The following LIPC variants were observed in gnomAD, a reference collection of about 807,000 sequenced individuals.
LIPC encodes the protein hepatic triacylglycerol lipase.
Under a neutral mutation model 50.7 loss-of-function variants are expected in LIPC, and 44 were observed. The ratio of observed to expected loss-of-function variants is 0.87; its 90% CI spans 0.68 to 1.11. LIPC has a LOEUF of 1.11. Ranked by LOEUF, LIPC falls within the 50% of genes most tolerant of loss-of-function variation. The pLI, the probability that LIPC is intolerant of heterozygous loss-of-function variation, is 0.00. For missense variants in LIPC, 697 were observed against 648.2 expected (o/e 1.08, Z -0.82); for synonymous variants, 271 against 256.4 (o/e 1.06, Z -0.54).
chr15:58,467,204 A>G (rs1894599198), intron 1 of LIPC, among the ~76,000 whole-genome samples: 1 of 152,186 alleles, frequency 6.6e-6, no homozygotes, highest in African/African-American at 2.4e-5. Context: ...GGTGGTTAGA[A>G]CTAAAAGCTG....
chr15:58,538,437 C>G lies in LIPC; in HGVS notation c.193C>G (p.Arg65Gly). 6.2e-7 allele frequency: 1 copy of G among 1,614,184 alleles called. No individual in the cohort carries two copies. Residue 65 changes from arginine to glycine, a missense_variant, in exon 2 of 9, where the codon CGA becomes GGA. Transcript: ENST00000299022. Reference protein sequence around the residue: ...FGETNQGCQIRINHPDTLQEC... With the variant: ...FGETNQGCQIGINHPDTLQEC... ...AGAAACCAATCAGGGCTGTCAGATTCGAATCAATCATCCGGACACGTTACA... is the reference window on the plus strand; with the variant it reads ...AGAAACCAATCAGGGCTGTCAGATTGGAATCAATCATCCGGACACGTTACA...
chr15:58,555,291 C>T (rs1346186800), intron 6 of LIPC, among the ~76,000 whole-genome samples: 1 of 152,052 alleles, frequency 6.6e-6, no homozygotes, highest in Admixed American at 6.5e-5. Context: ...AGGGGCCAGA[C>T]GTTTAGGGGA....
intron 1 of LIPC, among the ~76,000 whole-genome samples, chr15:58,503,271 A>G (rs1892044932): frequency 6.6e-6 from 1 of 152,082 alleles, no homozygotes; most frequent in South Asian, 2.1e-4. Flanking sequence ...GGTGTAAGAG[A>G]ACTTGGTGGG....
chr15:58,561,098 A>T (rs1336831020), intron 7 of LIPC, 117 bp downstream of exon 7: 1 of 749,516 alleles, frequency 1.3e-6, no homozygotes, highest in African/African-American at 1.7e-5. Flanking sequence ...TTCCAGACGC[A>T]AACCAAAAAC....
chr15:58,451,855 A>G (rs1893910905), intron 1 of LIPC, among the ~76,000 whole-genome samples: 1 of 152,182 alleles, frequency 6.6e-6, no homozygotes, highest in Non-Finnish European at 1.5e-5. Context: ...GCTCCCCGCT[A>G]GAAGGTGGGC....
At chr15:58,464,246 G>C (rs114399313) in intron 1 of LIPC, among the ~76,000 whole-genome samples, 1,740 of 152,242 alleles carry the variant, frequency 0.011, 38 homozygotes, top group African/African-American at 0.04. Context: ...GGTACTCTCA[G>C]AGCCTGGTTT....
chr15:58,479,253 T>G (rs1261601559), intron 1 of LIPC, among the ~76,000 whole-genome samples: 1 of 152,220 alleles, frequency 6.6e-6, no homozygotes, highest in African/African-American at 2.4e-5. Context: ...AAATAATCAA[T>G]GCAATAGCAC....
chr15:58,440,537 G>A (rs1171085809), intron 1 of LIPC, among the ~76,000 whole-genome samples: 1 of 152,182 alleles, frequency 6.6e-6, no homozygotes, highest in African/African-American at 2.4e-5. Context: ...TATCCCTGAG[G>A]GTACAAAAAT....
At chr15:58,433,404 C>G (rs967278812) in intron 1 of LIPC, among the ~76,000 whole-genome samples, 51 of 152,304 alleles carry the variant, frequency 3.3e-4, no homozygotes, top group African/African-American at 1.2e-3. Flanking sequence ...CCCCTTGAGC[C>G]TTAACATATA....
At chr15:58,485,002 G>A (rs1891319241) in intron 1 of LIPC, among the ~76,000 whole-genome samples, 1 of 152,184 alleles carries the variant, frequency 6.6e-6, no homozygotes, top group Admixed American at 6.5e-5. Context: ...AGCTCAAGAA[G>A]AGGCTAAAAC....
At chr15:58,447,403 T>C (rs988319822) in intron 1 of LIPC, among the ~76,000 whole-genome samples, 3 of 152,138 alleles carry the variant, frequency 2.0e-5, no homozygotes, top group African/African-American at 7.2e-5. Context: ...AAGTCTTCTC[T>C]GGAAAACACA....
intron 1 of LIPC, among the ~76,000 whole-genome samples, chr15:58,536,417 G>C (rs113733171): frequency 2.0e-5 from 3 of 152,190 alleles, no homozygotes; most frequent in African/African-American, 4.8e-5. Context: ...TTGAGCAGCT[G>C]TGTGCAGGAG....
rs917225755 is a variant in LIPC, at chr15:58,548,359, G to A, written c.838G>A (p.Glu280Lys). The change falls in exon 6 of 9, where the codon GAG becomes AAG. Residue 280 changes from glutamate (E) to lysine (K), a missense_variant. Transcript: ENST00000299022. ...CACCCAGACCATAAAATGCTCCCAC[G>A]AGCGATCGGTGCACCTTTTCATCGA... ...AITQTIKCSH[E>K]RSVHLFIDSL... is the part of the protein sequence containing the mutation. The A allele has an allele frequency of 1.6e-5, 26 of 1,614,064 alleles. No homozygotes were observed. The highest frequency in any genetic ancestry group is 4.5e-5 in the East Asian group (2 of 44,876).
At chr15:58,467,934 C>T (rs951618498) in intron 1 of LIPC, among the ~76,000 whole-genome samples, 2 of 152,194 alleles carry the variant, frequency 1.3e-5, no homozygotes, top group Non-Finnish European at 2.9e-5. Context: ...GGAACTGCTT[C>T]TAACACAAGG....
chr15:58,450,583 A>G (rs538678299), intron 1 of LIPC, among the ~76,000 whole-genome samples: 2 of 152,338 alleles, frequency 1.3e-5, no homozygotes, highest in South Asian at 4.1e-4. Flanking sequence ...GTTAAAGGTC[A>G]ATTTCCATAA....
intron 1 of LIPC, among the ~76,000 whole-genome samples, chr15:58,461,468 G>A (rs574980587): frequency 1.3e-3 from 201 of 152,234 alleles, no homozygotes; most frequent in Non-Finnish European, 2.5e-3. Context: ...GCAGTGGCTC[G>A]ATCTTGGCTC....
chr15:58,564,114 A>C, intron 8 of LIPC: 1 of 260,772 alleles, frequency 3.8e-6, no homozygotes, highest in Non-Finnish European at 7.6e-6. Flanking sequence ...GCCCAAAGAA[A>C]ATCTTTTAAC....
chr15:58,518,511 A>C (rs149788452), intron 1 of LIPC, among the ~76,000 whole-genome samples: 294 of 152,326 alleles, frequency 1.9e-3, no homozygotes, highest in African/African-American at 6.8e-3. Flanking sequence ...CTCTGAACTT[A>C]ACCTTCTGTG....
intron 7 of LIPC, among the ~76,000 whole-genome samples, chr15:58,562,228 C>T (rs1894190795): frequency 6.6e-6 from 1 of 152,196 alleles, no homozygotes; most frequent in South Asian, 2.1e-4. Context: ...CGTCCCTCCT[C>T]AGCCTCTCCA....
Sources: gnomAD v4.1 joint callset for allele counts (sites outside exome capture counted in the v4.1 genomes callset) on GRCh38, gnomAD v4.1.1 for gene constraint, MANE v1.5 for transcripts, NCBI Gene and HGNC (gene_info 2026-07-23, HGNC 2026-07-21) for gene names.